The following ARHGEF9 variants were observed in gnomAD, a reference collection of about 807,000 sequenced individuals.
ARHGEF9 encodes the protein rho guanine nucleotide exchange factor 9.
In ARHGEF9, 2 loss-of-function variants were observed where a neutral mutation model predicts 41.3. That is an observed-to-expected ratio of 0.05 (90% CI 0.02 to 0.15). The LOEUF (loss-of-function observed/expected upper bound fraction) is 0.15, where lower values mean the gene tolerates loss of function less well. ARHGEF9 is among the 10% of genes least tolerant of loss of function. The pLI is 1.00. For synonymous variants in ARHGEF9, 160 were observed against 154.4 expected, an observed-to-expected ratio of 1.04 and a Z score of -0.27; for missense variants, 225 against 424.7, an observed-to-expected ratio of 0.53 and a Z score of 4.13.
chrX:63,742,023 C>T (rs1332272596), intron 1 of ARHGEF9, among the ~76,000 whole-genome samples: 1 of 112,304 alleles, frequency 8.9e-6, no homozygotes, highest in East Asian at 2.8e-4. Flanking sequence ...CAATTTGTTT[C>T]TAACAGCCTT....
intron 1 of ARHGEF9, among the ~76,000 whole-genome samples, chrX:63,783,243 G>A (rs1556463347): frequency 3.6e-5 from 4 of 110,299 alleles, no homozygotes; most frequent in African/African-American, 9.9e-5. Flanking sequence ...TGCCAGAAAT[G>A]CCAGGACTGG....
Position 63,635,438 on chromosome X carries a change from C to T in ARHGEF9, c.*2590G>A. On this transcript the variant is annotated 3_prime_UTR_variant, in exon 10 of 10. Transcript: ENST00000671741. ...GGGCCATGCGGAAATTACAACATTACAGAATTACTGGGGTTACCATTGCTG... is the reference window on the plus strand; with the variant it reads ...GGGCCATGCGGAAATTACAACATTATAGAATTACTGGGGTTACCATTGCTG... 1 of 520,635 alleles carries T rather than the reference C, an allele frequency of 1.9e-6. No individual in the cohort carries two copies. The highest frequency in any genetic ancestry group is 3.5e-6 in the Non-Finnish European group (1 of 285,275). The allele number at this position is 520,635 out of a possible 1,213,427, so 42.9% of individuals were successfully genotyped here. A position where few individuals can be genotyped will look rare whatever the true frequency, so the allele number is the denominator to read the frequency against.
intron 1 of ARHGEF9, among the ~76,000 whole-genome samples, chrX:63,738,721 G>C (rs2054765622): frequency 9.0e-6 from 1 of 111,407 alleles, no homozygotes. Flanking sequence ...GTGGAAGATA[G>C]GAAAATAATG....
chrX:63,652,911 C>T (rs1334252399), intron 8 of ARHGEF9, among the ~76,000 whole-genome samples: 2 of 110,802 alleles, frequency 1.8e-5, no homozygotes, highest in Non-Finnish European at 3.8e-5. Context: ...TGGCACTTCC[C>T]TCTTGCTCTC....
intron 4 of ARHGEF9, among the ~76,000 whole-genome samples, chrX:63,690,395 A>T (rs1293491747): frequency 1.6e-4 from 18 of 111,496 alleles, no homozygotes; most frequent in African/African-American, 5.5e-4. Context: ...GAAGAAATGG[A>T]TAAATTCCTG....
intron 1 of ARHGEF9, among the ~76,000 whole-genome samples, chrX:63,770,515 G>T (rs2056186333): frequency 8.9e-6 from 1 of 112,075 alleles, no homozygotes; most frequent in Non-Finnish European, 1.9e-5. Context: ...TTGGGTTAAT[G>T]CTAAAATAAA....
intron 4 of ARHGEF9, among the ~76,000 whole-genome samples, chrX:63,680,135 T>C (rs1222458513): frequency 8.9e-6 from 1 of 112,103 alleles, no homozygotes; most frequent in African/African-American, 3.2e-5. Context: ...TAGGAGAGGA[T>C]GTCAGTAAGA....
At chrX:63,645,759 G>C (rs1556312936) in intron 8 of ARHGEF9, among the ~76,000 whole-genome samples, 1 of 111,803 alleles carries the variant, frequency 8.9e-6, no homozygotes, top group Non-Finnish European at 1.9e-5. Context: ...TGGGATGGCT[G>C]GGTCAAATGG....
At chrX:63,654,515 T>C (rs1488195416) in intron 8 of ARHGEF9, among the ~76,000 whole-genome samples, 3 of 111,849 alleles carry the variant, frequency 2.7e-5, no homozygotes, top group Non-Finnish European at 5.6e-5. Flanking sequence ...AGTTATTAAT[T>C]TGCACTCTAC....
chrX:63,652,001 G>A (rs1348794776), intron 8 of ARHGEF9, among the ~76,000 whole-genome samples: 2 of 111,133 alleles, frequency 1.8e-5, no homozygotes, highest in Non-Finnish European at 3.8e-5. Context: ...GAGGCTATGC[G>A]GAAGTGGGTA....
intron 1 of ARHGEF9, among the ~76,000 whole-genome samples, chrX:63,765,798 C>T (rs782198965): frequency 8.9e-6 from 1 of 112,008 alleles, no homozygotes; most frequent in Admixed American, 9.4e-5. Flanking sequence ...CCCATCCTCC[C>T]GGCCAGAATT....
intron 2 of ARHGEF9, among the ~76,000 whole-genome samples, chrX:63,720,046 A>C (rs2053548934): frequency 9.0e-6 from 1 of 111,661 alleles, no homozygotes; most frequent in Admixed American, 9.5e-5. Flanking sequence ...ACGCATGCCC[A>C]GGACCAGATG....
At chrX:63,743,963 C>A (rs1556430216) in intron 1 of ARHGEF9, among the ~76,000 whole-genome samples, 1 of 111,549 alleles carries the variant, frequency 9.0e-6, no homozygotes, top group Non-Finnish European at 1.9e-5. Context: ...CACCAAGCAC[C>A]CAAGACATGG....
Position 63,635,518 on chromosome X carries a change from G to A in ARHGEF9, c.*2510C>T, listed in dbSNP as rs782032605. 2 of 487,283 alleles carry A rather than the reference G, an allele frequency of 4.1e-6. No individual in the cohort carries two copies. The highest frequency in any genetic ancestry group is 3.7e-6 in the Non-Finnish European group (1 of 273,418). The allele number at this position is 487,283 out of a possible 1,213,427, so 40.2% of individuals were successfully genotyped here. On this transcript the variant is annotated 3_prime_UTR_variant, in exon 10 of 10. Transcript: ENST00000671741. ...CCAGGTATTTAATTGGGCTCCCCTT[G>A]GGGCTGTTGGCCACTGGTCTGCTTT...
At chrX:63,751,110 C>T (rs1314695517) in intron 1 of ARHGEF9, among the ~76,000 whole-genome samples, 2 of 110,836 alleles carry the variant, frequency 1.8e-5, no homozygotes, top group East Asian at 5.7e-4. Flanking sequence ...TGGGATTTTG[C>T]CCCTCCTACA....
rs782284436 is a variant in ARHGEF9 at position 63,635,497 on chromosome X, G to T, written c.*2531C>A. ...TAACAGGTTAGGATACTGAACCCAG[G>T]TATTTAATTGGGCTCCCCTTGGGGC... On this transcript the variant is annotated 3_prime_UTR_variant, in exon 10 of 10. Coordinates refer to ENST00000671741, the MANE Select transcript of ARHGEF9 (RefSeq NM_001353921.2). 8 of 494,247 alleles carry T rather than the reference G, an allele frequency of 1.6e-5. No homozygotes were observed. The highest frequency in any genetic ancestry group is 6.6e-5 in the Admixed American group (2 of 30,080). 40.7% of individuals were successfully genotyped at this position (494,247 alleles called of 1,213,427 possible).
intron 1 of ARHGEF9, among the ~76,000 whole-genome samples, chrX:63,772,164 C>T (rs1556455261): frequency 8.9e-6 from 1 of 112,441 alleles, no homozygotes; most frequent in East Asian, 2.8e-4. Context: ...CACAGCTGGT[C>T]TGTGGCAGAG....
chrX:63,781,710 T>G (rs1174313827), intron 1 of ARHGEF9, among the ~76,000 whole-genome samples: 2 of 111,998 alleles, frequency 1.8e-5, no homozygotes, highest in Middle Eastern at 4.6e-3. Context: ...CTGTTAAAAT[T>G]TAAGTCAGAT....
intron 8 of ARHGEF9, among the ~76,000 whole-genome samples, chrX:63,646,422 G>A (rs1556314601): frequency 9.0e-6 from 1 of 111,731 alleles, no homozygotes; most frequent in Non-Finnish European, 1.9e-5. Context: ...TGTAAGGAAG[G>A]GATCCAGTTT....
Sources: gnomAD v4.1 joint callset for allele counts (sites outside exome capture counted in the v4.1 genomes callset) on GRCh38, gnomAD v4.1.1 for gene constraint, MANE v1.5 for transcripts, NCBI Gene and HGNC (gene_info 2026-07-23, HGNC 2026-07-21) for gene names.